TLCD4: variants seen among roughly 807,000 people sequenced by gnomAD.
TLCD4 encodes TLC domain containing 4, also known as TLC domain-containing protein 4.
TLCD4 carries 7 observed loss-of-function variants against 24.2 expected under a neutral mutation model. The ratio of observed to expected loss-of-function variants is 0.29; its 90% confidence interval spans 0.16 to 0.54. TLCD4 has a LOEUF of 0.54. Ranked by LOEUF, TLCD4 falls within the 20% of genes least tolerant of loss-of-function variation. TLCD4 has a pLI of 0.95. For missense variants in TLCD4, 259 were observed against 313.9 expected, an observed-to-expected ratio of 0.82 and a Z score of 1.32; for synonymous variants, 103 against 106.4, an observed-to-expected ratio of 0.97 and a Z score of 0.20.
At chr1:95,126,292 G>A (rs544240233) in intron 1 of TLCD4, among the ~76,000 whole-genome samples, 2 of 151,964 alleles carry the variant, frequency 1.3e-5, no homozygotes, top group Non-Finnish European at 2.9e-5. Flanking sequence ...GCCAGGCATG[G>A]TGGTGCATGC....
rs1193304040 is a variant in TLCD4, at chr1:95,194,767, G to GA, written c.*2903dup. On this transcript the variant is annotated 3_prime_UTR_variant, in exon 7 of 7. Transcript: ENST00000370203. ...GATCCTGCATTAAATTTTTATTTGT[G>GA]AAAATTTGAAAATTATGAGCTATAA... 6.6e-6 allele frequency: 1 copy of GA among 151,994 alleles called. No individual in the cohort carries two copies. The highest frequency in any genetic ancestry group is 2.4e-5 in the African/African-American group (1 of 41,384). The allele number at this position is 151,994 out of a possible 1,614,324, so 9.4% of individuals were successfully genotyped here.
the TLCD4 span, among the ~76,000 whole-genome samples, chr1:95,111,016 G>C: frequency 1.3e-5 from 2 of 152,082 alleles, no homozygotes; most frequent in African/African-American, 4.8e-5. Flanking sequence ...AATTGGCCAG[G>C]TGTGGTGGCT....
chr1:95,173,769 T>A, intron 5 of TLCD4, 47 bp from the exon 6 acceptor site: 1 of 1,612,008 alleles, frequency 6.2e-7, no homozygotes, highest in Non-Finnish European at 8.5e-7. Context: ...TTGGGAATTT[T>A]GTTAAGAATG....
At chr1:95,154,555 C>T (rs1677581030) in intron 5 of TLCD4, among the ~76,000 whole-genome samples, 1 of 151,976 alleles carries the variant, frequency 6.6e-6, no homozygotes, top group Admixed American at 6.6e-5. Flanking sequence ...CCCTTGATGT[C>T]CCAGACCTCT....
chr1:95,163,642 C>T (rs1452186196), intron 5 of TLCD4: 1 of 152,206 alleles, frequency 6.6e-6, no homozygotes, highest in Non-Finnish European at 1.5e-5. Context: ...ATGGTTTTAT[C>T]TACCTTTGGT....
At chr1:95,187,581 T>C (rs1471434082) in intron 6 of TLCD4, among the ~76,000 whole-genome samples, 1 of 152,156 alleles carries the variant, frequency 6.6e-6, no homozygotes, top group African/African-American at 2.4e-5. Flanking sequence ...TCACACATAT[T>C]AGGACTGCAT....
chr1:95,161,267 C>G (rs1370806225), intron 5 of TLCD4, among the ~76,000 whole-genome samples: 1 of 152,144 alleles, frequency 6.6e-6, no homozygotes, highest in Non-Finnish European at 1.5e-5. Flanking sequence ...TCCATTTCTT[C>G]TAGATTTTCT....
chr1:95,110,465 G>C, the TLCD4 span, among the ~76,000 whole-genome samples: 1 of 151,898 alleles, frequency 6.6e-6, no homozygotes, highest in Admixed American at 6.6e-5. Context: ...ATAAGGGATT[G>C]GTTAAATACA....
At chr1:95,099,025 C>A in the TLCD4 span, among the ~76,000 whole-genome samples, 1 of 111,008 alleles carries the variant, frequency 9.0e-6, no homozygotes, top group Non-Finnish European at 1.7e-5. Context: ...TGCACTCCAG[C>A]CTGGGCAACA....
intron 5 of TLCD4, among the ~76,000 whole-genome samples, chr1:95,173,237 TAA>T (rs1158035692): frequency 6.6e-6 from 1 of 152,198 alleles, no homozygotes; most frequent in Non-Finnish European, 1.5e-5. Flanking sequence ...GTAATGGATA[TAA>T]AGTGAGTTAC....
At chr1:95,148,066 A>G (rs1677396389) in intron 2 of TLCD4, among the ~76,000 whole-genome samples, 1 of 152,102 alleles carries the variant, frequency 6.6e-6, no homozygotes, top group African/African-American at 2.4e-5. Context: ...ATGGTCCTCA[A>G]TTTTTCTATT....
chr1:95,139,701 C>G (rs1296656258), intron 1 of TLCD4, among the ~76,000 whole-genome samples: 1 of 152,048 alleles, frequency 6.6e-6, no homozygotes, highest in African/African-American at 2.4e-5. Flanking sequence ...CTCAGGTGAT[C>G]CACCAGCCTC....
At chr1:95,181,588 T>A (rs563876176) in intron 6 of TLCD4, among the ~76,000 whole-genome samples, 52 of 150,172 alleles carry the variant, frequency 3.5e-4, no homozygotes, top group Admixed American at 1.6e-3. Context: ...TAATTATTTA[T>A]TTATTTATTT....
At chr1:95,107,295 C>T in the TLCD4 span, among the ~76,000 whole-genome samples, 11 of 152,102 alleles carry the variant, frequency 7.2e-5, no homozygotes, top group Middle Eastern at 3.4e-3. Flanking sequence ...TGGTGGTGGG[C>T]GCCTGTAGTC....
intron 2 of TLCD4, among the ~76,000 whole-genome samples, chr1:95,147,829 C>A (rs1459920350): frequency 1.3e-5 from 2 of 152,074 alleles, no homozygotes; most frequent in African/African-American, 4.8e-5. Context: ...GGTAAAAAAA[C>A]TTTATTGTAT....
chr1:95,149,458 GGGGGAT>G (rs1677432870), intron 3 of TLCD4, among the ~76,000 whole-genome samples: 1 of 152,100 alleles, frequency 6.6e-6, no homozygotes, highest in Admixed American at 6.6e-5. Flanking sequence ...TGTGGGCTCC[GGGGGAT>G]GTAGGGCAAT....
At chr1:95,159,555 G>A (rs929739395) in intron 5 of TLCD4, among the ~76,000 whole-genome samples, 1 of 152,128 alleles carries the variant, frequency 6.6e-6, no homozygotes. Context: ...ATTGCTTTTG[G>A]TGTTTTAGTC....
intron 1 of TLCD4, among the ~76,000 whole-genome samples, chr1:95,140,514 T>G (rs78629196): frequency 0.089 from 13,496 of 152,312 alleles, 669 homozygotes; most frequent in African/African-American, 0.11. Context: ...AAACCATCTT[T>G]AATGAAAAGT....
the TLCD4 span, among the ~76,000 whole-genome samples, chr1:95,103,958 G>C: frequency 6.6e-6 from 1 of 152,172 alleles, no homozygotes; most frequent in Non-Finnish European, 1.5e-5. Context: ...AGAACACTGT[G>C]TGCCTAAAAC....
Sources: gnomAD v4.1 joint callset for allele counts (sites outside exome capture counted in the v4.1 genomes callset) on GRCh38, gnomAD v4.1.1 for gene constraint, MANE v1.5 for transcripts, NCBI Gene and HGNC (gene_info 2026-07-23, HGNC 2026-07-21) for gene names.